GULP1: variants seen among roughly 807,000 people sequenced by gnomAD.
GULP1 encodes the protein PTB domain-containing engulfment adapter protein 1.
In GULP1, 19 loss-of-function variants were observed where a neutral mutation model predicts 40.9. That is an observed-to-expected ratio of 0.46 (90% CI 0.32 to 0.68). GULP1 has a LOEUF of 0.68. GULP1 is among the 30% of genes least tolerant of loss of function. GULP1 has a pLI of 0.03. For synonymous variants in GULP1, 119 were observed against 117.6 expected (o/e 1.01, Z -0.08); for missense variants, 312 against 362.2 (o/e 0.86, Z 1.12).
intron 7 of GULP1, among the ~76,000 whole-genome samples, chr2:188,554,461 A>G (rs1249246609): frequency 6.6e-6 from 1 of 151,238 alleles, no homozygotes; most frequent in Non-Finnish European, 1.5e-5. Flanking sequence ...CAAAGTTCTT[A>G]TTAGTATTGA....
intron 1 of GULP1, among the ~76,000 whole-genome samples, chr2:188,333,452 A>G (rs1248444215): frequency 6.6e-6 from 1 of 152,116 alleles, no homozygotes; most frequent in Admixed American, 6.5e-5. Flanking sequence ...GCAAGCCAGG[A>G]TTAATTCTCT....
rs569410818 is a variant in GULP1 at position 188,370,943 on chromosome 2, C to G, written c.-171-12820C>G. ...GGTGACCTATTGATAAGATTTTTCTCCTCTCTTTAACACTTTTCATTCTTT... is the reference window on the plus strand; with the variant it reads ...GGTGACCTATTGATAAGATTTTTCTGCTCTCTTTAACACTTTTCATTCTTT... On this transcript the variant is annotated intron_variant, in intron 1 of 11. Coordinates refer to ENST00000409830, the MANE Select transcript of GULP1 (RefSeq NM_016315.4). 5.9e-5 allele frequency among the ~76,000 whole-genome samples: 9 copies of G among 152,070 alleles called. No individual in the cohort carries two copies. In the South Asian group the frequency reaches 1.7e-3, roughly 28 times the overall value.
In GULP1 at chr2:188,532,396, C is replaced by T. The variant is rs573603224; in HGVS notation, c.261+3201C>T. Among the ~76,000 whole-genome samples the T allele has an allele frequency of 6.3e-4, 96 of 152,124 alleles. No homozygotes were observed. In the South Asian group the frequency reaches 0.018, roughly 29 times the overall value. On this transcript the variant is annotated intron_variant, in intron 6 of 11. Transcript: ENST00000409830. The stretch of plus-strand genomic sequence containing the variant: ...TGCATAAAATGCTAATTGCTTAAAG[C>T]GCTACAAGATGGCTACCACTAACTA...
intron 2 of GULP1, among the ~76,000 whole-genome samples, chr2:188,442,143 T>C (rs1366696044): frequency 1.3e-5 from 2 of 152,230 alleles, no homozygotes; most frequent in African/African-American, 4.8e-5. Context: ...AAAACAATTG[T>C]TGGTGACATT....
chr2:188,498,815 T>A (rs1377530241), intron 4 of GULP1, among the ~76,000 whole-genome samples: 1 of 151,764 alleles, frequency 6.6e-6, no homozygotes, highest in Non-Finnish European at 1.5e-5. Flanking sequence ...ATTCAAAGCA[T>A]CACTATGTAC....
At chr2:188,544,045 G>A (rs1691247791) in intron 7 of GULP1, among the ~76,000 whole-genome samples, 1 of 152,038 alleles carries the variant, frequency 6.6e-6, no homozygotes, top group Non-Finnish European at 1.5e-5. Flanking sequence ...ATTTAACCCT[G>A]CCAAATTAGA....
chr2:188,447,207 A>G (rs1221809863), intron 2 of GULP1, among the ~76,000 whole-genome samples: 1 of 152,196 alleles, frequency 6.6e-6, no homozygotes, highest in Non-Finnish European at 1.5e-5. Flanking sequence ...GAGTTTTATG[A>G]TGCAGATGAA....
At chr2:188,454,980 A>G (rs1245169716) in intron 2 of GULP1, among the ~76,000 whole-genome samples, 1 of 151,962 alleles carries the variant, frequency 6.6e-6, no homozygotes, top group Non-Finnish European at 1.5e-5. Context: ...AATAAAAACA[A>G]AATTAACCAG....
intron 2 of GULP1, among the ~76,000 whole-genome samples, chr2:188,439,489 T>C (rs1384498444): frequency 1.3e-5 from 2 of 152,164 alleles, no homozygotes; most frequent in Non-Finnish European, 2.9e-5. Context: ...AAATAAATTA[T>C]AATGTATCCA....
chr2:188,509,793 A>G (rs559607576), intron 4 of GULP1, among the ~76,000 whole-genome samples: 1 of 152,230 alleles, frequency 6.6e-6, no homozygotes, highest in East Asian at 1.9e-4. Flanking sequence ...TTTGTTCTCA[A>G]ATAATGAGGC....
intron 5 of GULP1, among the ~76,000 whole-genome samples, chr2:188,524,516 A>C (rs188911509): frequency 6.6e-6 from 1 of 151,874 alleles, no homozygotes; most frequent in Non-Finnish European, 1.5e-5. Context: ...AACATTTTGT[A>C]TATCAGGAAA....
rs190601518 is a variant in GULP1, at chr2:188,477,278, C to T, written c.-44-381C>T. ...TGTCTTTGTGACTTTGTAATAAACACGAAACTCTTCTGGGCCTCAGGTAAA... is the reference window on the plus strand; with the variant it reads ...TGTCTTTGTGACTTTGTAATAAACATGAAACTCTTCTGGGCCTCAGGTAAA... On this transcript the variant is annotated intron_variant, in intron 2 of 11. Transcript: ENST00000409830. Among the ~76,000 whole-genome samples, 4 of 152,152 alleles carry T rather than the reference C, an allele frequency of 2.6e-5. No individual in the cohort carries two copies. The East Asian group carries it at 5.8e-4, about 22-fold the overall frequency.
At chr2:188,391,536 A>G (rs2050527711) in intron 2 of GULP1, among the ~76,000 whole-genome samples, 1 of 152,018 alleles carries the variant, frequency 6.6e-6, no homozygotes, top group South Asian at 2.1e-4. Flanking sequence ...TTCTATGTAT[A>G]CAATTACATC....
At chr2:188,406,227 T>G (rs1422889463) in intron 2 of GULP1, among the ~76,000 whole-genome samples, 1 of 152,144 alleles carries the variant, frequency 6.6e-6, no homozygotes, top group Admixed American at 6.5e-5. Context: ...GCTACAAACC[T>G]GTACAGCATG....
At chr2:188,496,748 C>T (rs888177881) in intron 4 of GULP1, among the ~76,000 whole-genome samples, 50 of 151,850 alleles carry the variant, frequency 3.3e-4, no homozygotes, top group African/African-American at 1.1e-3. Context: ...ATTGTAATCC[C>T]CAGTGTTGGA....
At chr2:188,451,725 C>T (rs2058846209) in intron 2 of GULP1, among the ~76,000 whole-genome samples, 1 of 151,534 alleles carries the variant, frequency 6.6e-6, no homozygotes, top group Non-Finnish European at 1.5e-5. Context: ...TCTTATCTCT[C>T]TTTATAGTTT....
intron 1 of GULP1, among the ~76,000 whole-genome samples, chr2:188,366,767 G>A (rs918635430): frequency 2.6e-5 from 4 of 151,746 alleles, no homozygotes; most frequent in Non-Finnish European, 5.9e-5. Context: ...CTAATTTTTT[G>A]TATTTTTAGT....
At chr2:188,342,298 G>A (rs1315873773) in intron 1 of GULP1, among the ~76,000 whole-genome samples, 4 of 152,112 alleles carry the variant, frequency 2.6e-5, no homozygotes, top group Non-Finnish European at 5.9e-5. Context: ...CTAGCCCTTG[G>A]TGGTGGCTGG....
chr2:188,554,391 T>C (rs1327320185), intron 7 of GULP1, among the ~76,000 whole-genome samples: 1 of 151,994 alleles, frequency 6.6e-6, no homozygotes, highest in East Asian at 1.9e-4. Flanking sequence ...TTAATTTCTT[T>C]GTCAACCCAA....
Sources: allele counts gnomAD v4.1 joint callset (sites outside exome capture counted in the v4.1 genomes callset), GRCh38; gene constraint gnomAD v4.1.1; transcripts MANE v1.5; gene names NCBI Gene and HGNC (gene_info 2026-07-23, HGNC 2026-07-21).